DPYSL2: variants seen among roughly 807,000 people sequenced by gnomAD.
DPYSL2 encodes the protein dihydropyrimidinase like 2.
Under a neutral mutation model 69.9 loss-of-function variants are expected in DPYSL2, and 13 were observed. That is an observed-to-expected ratio of 0.19 (90% CI 0.12 to 0.30). DPYSL2 has a LOEUF of 0.30. DPYSL2 is among the 10% of genes least tolerant of loss of function. The probability of loss-of-function intolerance (pLI) is 1.00; values close to 1 mark genes in which losing one functional copy is unlikely to be tolerated. For synonymous variants in DPYSL2, 326 were observed against 359.1 expected (o/e 0.91, Z 1.04); for missense variants, 587 against 918.9 (o/e 0.64, Z 4.67).
In DPYSL2 at chr8:26,643,653, C is replaced by T. The variant is rs187445527; in HGVS notation, c.1283+58C>T. ...TCTGTCTTTCTTCAGACCAGACTGACCTGTTAGGCGAAAACAACATGGTGG... is the reference window on the plus strand; with the variant it reads ...TCTGTCTTTCTTCAGACCAGACTGATCTGTTAGGCGAAAACAACATGGTGG... On this transcript the variant is annotated intron_variant, in intron 9 of 13. Coordinates refer to ENST00000521913, the MANE Select transcript of DPYSL2 (RefSeq NM_001197293.3). The surrounding 1 kb of genome is among the most constrained non-coding windows in gnomAD (Gnocchi z 6.5). 7.8e-3 allele frequency: 12,501 copies of T among 1,610,866 alleles called. 69 individuals carry two copies. Among genetic ancestry groups the T allele is most frequent in the South Asian group, 0.012 (1,060 of 90,798 alleles).
At chr8:26,538,142 A>C (rs1475490502) in intron 1 of DPYSL2, among the ~76,000 whole-genome samples, 1 of 152,214 alleles carries the variant, frequency 6.6e-6, no homozygotes. Flanking sequence ...CACTTGATAA[A>C]GGAGGTAGCT....
Position 26,577,094 on chromosome 8 carries a change from AC to A in DPYSL2, c.355-4871del, listed in dbSNP as rs552015359. 4.4e-4 allele frequency: 192 copies of A among 434,352 alleles called. 1 individual carries two copies. The highest frequency in any genetic ancestry group is 3.4e-3 in the African/African-American group (161 of 47,256). The allele number at this position is 434,352 out of a possible 1,614,324, so 26.9% of individuals were successfully genotyped here. A position where few individuals can be genotyped will look rare whatever the true frequency, so the allele number is the denominator to read the frequency against. On this transcript the variant is annotated intron_variant, in intron 1 of 13. Coordinates refer to ENST00000521913, the MANE Select transcript of DPYSL2 (RefSeq NM_001197293.3). ...GATGTTTCAGGGCGGGGTTTCCCAT[AC>A]CCCGCAGCCTTCCCCGGATGCCTCC...
rs749927869 is a variant in DPYSL2 at position 26,627,314 on chromosome 8, C to T, written c.936+19C>T. On this transcript the variant is annotated intron_variant, in intron 6 of 13. Coordinates refer to ENST00000521913, the MANE Select transcript of DPYSL2 (RefSeq NM_001197293.3). This position sits in a 1 kb window ranked among gnomAD's most constrained non-coding sequence, Gnocchi z 6.9. ...TGCAGAGGTACAGGGCTTTCTTTTT[C>T]GTCATTTCTTCATCACCTGGAGGGT... 8.7e-6 allele frequency: 14 copies of T among 1,613,536 alleles called. No homozygotes were observed. Among genetic ancestry groups the T allele is most frequent in the Middle Eastern group, 1.7e-4 (1 of 6,030 alleles).
rs1801715768 is a variant in DPYSL2, at chr8:26,591,095, C to G, written c.628+7112C>G. On this transcript the variant is annotated intron_variant, in intron 3 of 13. Coordinates refer to ENST00000521913, the MANE Select transcript of DPYSL2 (RefSeq NM_001197293.3). The surrounding 1 kb of genome is among the most constrained non-coding windows in gnomAD (Gnocchi z 5.8). ...GAGCCTGACTCACTGGGGTGGTGAT[C>G]TTCCACCCCTTCAGGTGCCCTCATC... 6.6e-6 allele frequency among the ~76,000 whole-genome samples: 1 copy of G among 152,198 alleles called. No homozygotes were observed. Among genetic ancestry groups the G allele is most frequent in the Non-Finnish European group, 1.5e-5 (1 of 68,032 alleles).
At chr8:26,553,232 T>C (rs1448374615) in intron 1 of DPYSL2, among the ~76,000 whole-genome samples, 1 of 152,176 alleles carries the variant, frequency 6.6e-6, no homozygotes, top group African/African-American at 2.4e-5. Context: ...TTTTTTAAAC[T>C]TTTATTTTAG....
At chr8:26,629,795 A>G (rs1311516889) in intron 7 of DPYSL2, among the ~76,000 whole-genome samples, 4 of 152,108 alleles carry the variant, frequency 2.6e-5, no homozygotes, top group East Asian at 3.9e-4. Flanking sequence ...GGGTCTCACT[A>G]TATTGCCCAG....
Position 26,564,025 on chromosome 8 carries a change from A to G in DPYSL2, c.355-17944A>G, listed in dbSNP as rs1023179419. ...AGAGGAACTCAATGAATGTTTAGAAAGAAGAGTCATAAAAGCGTGAAAAGA... is the reference window on the plus strand; with the variant it reads ...AGAGGAACTCAATGAATGTTTAGAAGGAAGAGTCATAAAAGCGTGAAAAGA... On this transcript the variant is annotated intron_variant, in intron 1 of 13. Transcript: ENST00000521913. The surrounding 1 kb of genome is among the most constrained non-coding windows in gnomAD (Gnocchi z 4.8). Among the ~76,000 whole-genome samples the G allele has an allele frequency of 6.6e-6, 1 of 152,200 alleles. No homozygotes were observed. The highest frequency in any genetic ancestry group is 2.4e-5 in the African/African-American group (1 of 41,444).
At chr8:26,528,552 C>T (rs1054025842) in intron 1 of DPYSL2, among the ~76,000 whole-genome samples, 1 of 151,152 alleles carries the variant, frequency 6.6e-6, no homozygotes, top group African/African-American at 2.4e-5. Context: ...GAGGCTGAGG[C>T]AGGAGAATCG....
intron 1 of DPYSL2, among the ~76,000 whole-genome samples, chr8:26,520,590 A>G (rs1009273325): frequency 2.0e-5 from 3 of 152,080 alleles, no homozygotes. Context: ...AAACACAAGA[A>G]ATGTCTTCAA....
chr8:26,630,398 GGGCTTTGTTC>G (rs1802742234), intron 7 of DPYSL2, among the ~76,000 whole-genome samples: 2 of 111,394 alleles, frequency 1.8e-5, no homozygotes, highest in Admixed American at 8.6e-5. Context: ...TTTGTTCCCA[GGGCTTTGTTC>G]CGCCCTGAAA....
In DPYSL2 at chr8:26,640,023, GCGTGTGTA is replaced by G. The variant is rs1298292990; in HGVS notation, c.1127-3415_1127-3408del. Among the ~76,000 whole-genome samples the G allele has an allele frequency of 6.6e-6, 1 of 152,230 alleles. No individual in the cohort carries two copies. The highest frequency in any genetic ancestry group is 2.4e-5 in the African/African-American group (1 of 41,464). On this transcript the variant is annotated intron_variant, in intron 8 of 13. Coordinates refer to ENST00000521913, the MANE Select transcript of DPYSL2 (RefSeq NM_001197293.3). This position sits in a 1 kb window ranked among gnomAD's most constrained non-coding sequence, Gnocchi z 4.2. ...GGAAAGGCAAAGGAGAATGGTGAGA[GCGTGTGTA>G]ACTGTCTGTCTGTCTGTCCATCCCA...
intron 3 of DPYSL2, among the ~76,000 whole-genome samples, chr8:26,623,406 A>G (rs971634745): frequency 6.6e-6 from 1 of 152,216 alleles, no homozygotes; most frequent in African/African-American, 2.4e-5. Flanking sequence ...TAACAAATGT[A>G]TGTGCTAGGT....
rs1028942055 is a variant in DPYSL2 at position 26,586,870 on chromosome 8, A to T, written c.628+2887A>T. ...ATCTGGCTATAGAGTGGGGCATCCAATGAGCGAACCTCAAGGAATAAAAGT... is the reference window on the plus strand; with the variant it reads ...ATCTGGCTATAGAGTGGGGCATCCATTGAGCGAACCTCAAGGAATAAAAGT... On this transcript the variant is annotated intron_variant, in intron 3 of 13. Coordinates refer to ENST00000521913, the MANE Select transcript of DPYSL2 (RefSeq NM_001197293.3). This position sits in a 1 kb window ranked among gnomAD's most constrained non-coding sequence, Gnocchi z 4.7. 6.6e-6 allele frequency among the ~76,000 whole-genome samples: 1 copy of T among 152,222 alleles called. No homozygotes were observed. Among genetic ancestry groups the T allele is most frequent in the African/African-American group, 2.4e-5 (1 of 41,452 alleles).
At chr8:26,549,140 G>A (rs1050773234) in intron 1 of DPYSL2, among the ~76,000 whole-genome samples, 1 of 151,908 alleles carries the variant, frequency 6.6e-6, no homozygotes, top group Non-Finnish European at 1.5e-5. Context: ...AGTGAGCTGA[G>A]ATCATGCCAC....
At chr8:26,559,590 A>G (rs1418240822) in intron 1 of DPYSL2, among the ~76,000 whole-genome samples, 1 of 152,094 alleles carries the variant, frequency 6.6e-6, no homozygotes, top group African/African-American at 2.4e-5. Flanking sequence ...TTCTTTTTTT[A>G]TGAGTGGCTG....
intron 1 of DPYSL2, among the ~76,000 whole-genome samples, chr8:26,561,505 A>T (rs920255229): frequency 4.6e-5 from 7 of 152,128 alleles, no homozygotes; most frequent in African/African-American, 1.4e-4. Context: ...CCCCAATGGA[A>T]ACCATCCCCC....
Position 26,621,919 on chromosome 8 carries a change from AG to A in DPYSL2, c.629-2220del, listed in dbSNP as rs1248040156. Among the ~76,000 whole-genome samples the A allele has an allele frequency of 6.6e-6, 1 of 152,194 alleles. No individual in the cohort carries two copies. The highest frequency in any genetic ancestry group is 1.5e-5 in the Non-Finnish European group (1 of 68,032). On this transcript the variant is annotated intron_variant, in intron 3 of 13. Coordinates refer to ENST00000521913, the MANE Select transcript of DPYSL2 (RefSeq NM_001197293.3). This position sits in a 1 kb window ranked among gnomAD's most constrained non-coding sequence, Gnocchi z 4.9. ...TAGACAGCTACTAAAGGATTTAATA[AG>A]GGGAATGGCAGTGTTTGATGAAAGG...
chr8:26,519,402 G>T (rs1667263966), intron 1 of DPYSL2, among the ~76,000 whole-genome samples: 1 of 152,196 alleles, frequency 6.6e-6, no homozygotes, highest in Admixed American at 6.5e-5. Flanking sequence ...GACTGGGAGA[G>T]AGGTCTCTTG....
chr8:26,624,399 G>A lies in DPYSL2; in HGVS notation c.793+92G>A, dbSNP rs1327744410. 4 of 1,486,818 alleles carry A rather than the reference G, an allele frequency of 2.7e-6. No homozygotes were observed. Among genetic ancestry groups the A allele is most frequent in the Non-Finnish European group, 3.7e-6 (4 of 1,091,876 alleles). The allele number at this position is 1,486,818 out of a possible 1,614,324, so 92.1% of individuals were successfully genotyped here. ...TGGGAAGAAAGTGATAATGCTTCCA[G>A]ATCCCATTTGTGCCTCATGCCCATG... On this transcript the variant is annotated intron_variant, in intron 4 of 13. Transcript: ENST00000521913. This position sits in a 1 kb window ranked among gnomAD's most constrained non-coding sequence, Gnocchi z 4.7.
Sources: gnomAD v4.1 joint callset for allele counts (sites outside exome capture counted in the v4.1 genomes callset) on GRCh38, gnomAD v4.1.1 for gene constraint, Gnocchi (gnomAD v3.1) non-coding constraint, MANE v1.5 for transcripts, NCBI Gene and HGNC (gene_info 2026-07-23, HGNC 2026-07-21) for gene names.